The following ETV5 variants were observed in gnomAD, a reference collection of about 807,000 sequenced individuals.
The protein encoded by ETV5 is ETS variant transcription factor 5.
Under a neutral mutation model 70.0 loss-of-function variants are expected in ETV5, and 10 were observed. The observed-to-expected ratio is 0.14, with a 90% confidence interval of 0.09 to 0.24. ETV5 has a LOEUF of 0.24. ETV5 is among the 10% of genes least tolerant of loss of function. The pLI, the probability that ETV5 is intolerant of heterozygous loss-of-function variation, is 1.00. For missense variants in ETV5, 453 were observed against 651.2 expected, an observed-to-expected ratio of 0.70 and a Z score of 3.31; for synonymous variants, 216 against 242.2, an observed-to-expected ratio of 0.89 and a Z score of 1.01.
intron 5 of ETV5, chr3:186,095,426 A>T (rs1456074010): frequency 6.6e-6 from 1 of 152,266 alleles, no homozygotes; most frequent in Non-Finnish European, 1.5e-5. Flanking sequence ...AAATGTTAAC[A>T]GTACTTGAAA....
chr3:186,100,378 GC>G (rs1407767570), intron 5 of ETV5, among the ~76,000 whole-genome samples: 3 of 152,164 alleles, frequency 2.0e-5, no homozygotes, highest in African/African-American at 7.2e-5. Flanking sequence ...AATAGAGGTG[GC>G]CCAAGCAAGA....
chr3:186,079,522 T>C (rs1713878859), intron 7 of ETV5, among the ~76,000 whole-genome samples: 1 of 152,200 alleles, frequency 6.6e-6, no homozygotes, highest in African/African-American at 2.4e-5. Flanking sequence ...GGGACAAGAC[T>C]ATCCTGGCAA....
chr3:186,069,963 T>G (rs562541051), intron 7 of ETV5, among the ~76,000 whole-genome samples: 52 of 152,122 alleles, frequency 3.4e-4, no homozygotes, highest in African/African-American at 1.2e-3. Context: ...CCTGCCATCA[T>G]GCCTGGCTAA....
At chr3:186,051,853 CTA>C (rs1398742788) in intron 12 of ETV5, among the ~76,000 whole-genome samples, 175 bp downstream of exon 12, 1 of 152,184 alleles carries the variant, frequency 6.6e-6, no homozygotes, top group Non-Finnish European at 1.5e-5. Context: ...CAAATGTACT[CTA>C]TATCTCATTT....
At chr3:186,075,190 A>G (rs7639550) in intron 7 of ETV5, among the ~76,000 whole-genome samples, 4 of 152,218 alleles carry the variant, frequency 2.6e-5, no homozygotes, top group Non-Finnish European at 5.9e-5. Context: ...TTACAAGAAC[A>G]TCATTCAGTC....
At chr3:186,066,965 A>C (rs1191741174) in intron 7 of ETV5, among the ~76,000 whole-genome samples, 1 of 152,242 alleles carries the variant, frequency 6.6e-6, no homozygotes, top group African/African-American at 2.4e-5. Context: ...ACAGATACCA[A>C]AATAAATTTC....
intron 5 of ETV5, among the ~76,000 whole-genome samples, chr3:186,090,845 C>T (rs1403667754): frequency 6.6e-6 from 1 of 152,178 alleles, no homozygotes; most frequent in African/African-American, 2.4e-5. Flanking sequence ...AATAGGTGGC[C>T]TATGCTTTCG....
intron 5 of ETV5, chr3:186,084,262 G>A (rs1487837965): frequency 1.9e-5 from 8 of 415,644 alleles, no homozygotes; most frequent in East Asian, 7.3e-5. Context: ...GAACTCTTGA[G>A]GAAGTTTGAA....
chr3:186,106,059 T>TA, intron 1 of ETV5, 117 bp from the exon 2 acceptor site: 1 of 682,944 alleles, frequency 1.5e-6, no homozygotes, highest in African/African-American at 1.8e-5. Flanking sequence ...GTGAAGTACT[T>TA]AAAACCTACT....
At position 186,105,998 on chromosome 3, in the gene ETV5, C is replaced by T; in HGVS notation, c.-74-56G>A. ...AGAGGGGGGAAAAAAAGAAATGAAA[C>T]AATTTTAGACTGCCTTTTTTTTAGG... On this transcript the variant is annotated intron_variant, in intron 1 of 12. Coordinates refer to ENST00000306376, the MANE Select transcript of ETV5 (RefSeq NM_004454.3). The surrounding 1 kb of genome is among the most constrained non-coding windows in gnomAD (Gnocchi z 4.5). 1 of 1,276,806 alleles carries T rather than the reference C, an allele frequency of 7.8e-7. No individual in the cohort carries two copies. Among genetic ancestry groups the T allele is most frequent in the Non-Finnish European group, 1.1e-6 (1 of 905,624 alleles). 79.1% of individuals were successfully genotyped at this position (1,276,806 alleles called of 1,614,324 possible). A position where few individuals can be genotyped will look rare whatever the true frequency, so the allele number is the denominator to read the frequency against.
intron 9 of ETV5, among the ~76,000 whole-genome samples, chr3:186,058,766 C>T (rs1298683051): frequency 6.6e-6 from 1 of 152,080 alleles, no homozygotes; most frequent in Admixed American, 6.5e-5. Context: ...GTAATCTCAG[C>T]GCTTTGGGAG....
chr3:186,105,894 CTT>C lies in ETV5; in HGVS notation c.-28_-27del. The C allele has an allele frequency of 6.2e-7, 1 of 1,612,730 alleles. No homozygotes were observed. Among genetic ancestry groups the C allele is most frequent in the Non-Finnish European group, 8.5e-7 (1 of 1,179,364 alleles). ...GGTGCTTTCAGCGTCTCTAATACCA[CTT>C]TGAGAGGTTTCAGCATTGAGTAATT... On this transcript the variant is annotated 5_prime_UTR_variant, in exon 2 of 13. Transcript: ENST00000306376. This position sits in a 1 kb window ranked among gnomAD's most constrained non-coding sequence, Gnocchi z 4.5.
intron 5 of ETV5, among the ~76,000 whole-genome samples, chr3:186,093,238 T>C (rs1714225667): frequency 6.6e-6 from 1 of 152,188 alleles, no homozygotes; most frequent in South Asian, 2.1e-4. Flanking sequence ...TACAAAGGAA[T>C]TTTAATTTCT....
chr3:186,085,884 G>A (rs1448873385), intron 5 of ETV5, among the ~76,000 whole-genome samples: 6 of 151,832 alleles, frequency 4.0e-5, no homozygotes, highest in African/African-American at 1.2e-4. Flanking sequence ...TTCTATAGTC[G>A]AGCTGATCAA....
chr3:186,100,277 C>G (rs1474123245), intron 5 of ETV5, among the ~76,000 whole-genome samples: 1 of 152,294 alleles, frequency 6.6e-6, no homozygotes, highest in East Asian at 1.9e-4. Flanking sequence ...AAACCAATGG[C>G]CTTGTTTTCC....
intron 5 of ETV5, among the ~76,000 whole-genome samples, chr3:186,088,562 G>A (rs1164055338): frequency 1.3e-5 from 2 of 152,190 alleles, no homozygotes; most frequent in African/African-American, 4.8e-5. Context: ...TGGGAGGGGA[G>A]AGAAGTCCGA....
chr3:186,049,274 G>T (rs1712964002), intron 12 of ETV5, among the ~76,000 whole-genome samples: 2 of 152,140 alleles, frequency 1.3e-5, no homozygotes, highest in Admixed American at 1.3e-4. Flanking sequence ...TTGTTATTTA[G>T]AAAGGTTAGA....
chr3:186,108,208 C>A (rs1714642724), intron 1 of ETV5, among the ~76,000 whole-genome samples: 1 of 149,172 alleles, frequency 6.7e-6, no homozygotes, highest in African/African-American at 2.5e-5. Flanking sequence ...TCTGAAAATG[C>A]GGCCGGAACC....
intron 5 of ETV5, among the ~76,000 whole-genome samples, chr3:186,085,419 G>A (rs1376474044): frequency 6.6e-6 from 1 of 151,484 alleles, no homozygotes; most frequent in African/African-American, 2.4e-5. Context: ...TTACACCTTT[G>A]TCTGGCTCTG....
Sources: gnomAD v4.1 joint callset for allele counts (sites outside exome capture counted in the v4.1 genomes callset) on GRCh38, gnomAD v4.1.1 for gene constraint, Gnocchi (gnomAD v3.1) non-coding constraint, MANE v1.5 for transcripts, NCBI Gene and HGNC (gene_info 2026-07-23, HGNC 2026-07-21) for gene names.